Variants in CSNK1G2 observed in about 807,000 individuals in gnomAD.
The protein encoded by CSNK1G2 is casein kinase 1 gamma 2.
CSNK1G2 carries 11 observed loss-of-function variants against 48.0 expected under a neutral mutation model. That is an observed-to-expected ratio of 0.23 (90% CI 0.14 to 0.38). The LOEUF (loss-of-function observed/expected upper bound fraction) is 0.38, where lower values mean the gene tolerates loss of function less well. Among genes scored for constraint, CSNK1G2 ranks in the 10% least tolerant of loss-of-function variants. CSNK1G2 has a pLI of 1.00. For missense variants in CSNK1G2, 446 were observed against 595.5 expected, an observed-to-expected ratio of 0.75 and a Z score of 2.61; for synonymous variants, 337 against 254.1, an observed-to-expected ratio of 1.33 and a Z score of -3.10.
intron 1 of CSNK1G2, among the ~76,000 whole-genome samples, chr19:1,955,184 G>A (rs2037628250): frequency 6.6e-6 from 1 of 152,152 alleles, no homozygotes; most frequent in South Asian, 2.1e-4. Context: ...CTCGGAAGCT[G>A]CTGAGTCTTG....
rs1291246711 is a variant in CSNK1G2 at position 1,980,483 on chromosome 19, A to T, written c.*280A>T. ...AAACAAGGAAAAGAGGAAAAAAAAAACAGAGGCCCGCCCTACCCCACTCCT... is the reference window on the plus strand; with the variant it reads ...AAACAAGGAAAAGAGGAAAAAAAAATCAGAGGCCCGCCCTACCCCACTCCT... On this transcript the variant is annotated 3_prime_UTR_variant, in exon 12 of 12. Transcript: ENST00000255641. 1 of 495,404 alleles carries T rather than the reference A, an allele frequency of 2.0e-6. No individual in the cohort carries two copies. The highest frequency in any genetic ancestry group is 3.8e-5 in the East Asian group (1 of 26,658). The allele number at this position is 495,404 out of a possible 1,614,324, so 30.7% of individuals were successfully genotyped here.
chr19:1,960,915 C>T (rs767561446), intron 1 of CSNK1G2, among the ~76,000 whole-genome samples: 22 of 152,196 alleles, frequency 1.4e-4, no homozygotes, highest in Non-Finnish European at 2.6e-4. Context: ...CAGGCACGGA[C>T]GTTTCAGCCC....
chr19:1,946,805 G>A (rs2145496969), intron 1 of CSNK1G2, among the ~76,000 whole-genome samples: 1 of 151,066 alleles, frequency 6.6e-6, no homozygotes, highest in East Asian at 1.9e-4. Flanking sequence ...TACAGACGGG[G>A]TTTCACTGTG....
rs2015934417 is a variant in CSNK1G2 at position 1,980,206 on chromosome 19, C to T, written c.*3C>T. 3 of 1,612,748 alleles carry T rather than the reference C, an allele frequency of 1.9e-6. No homozygotes were observed. Among genetic ancestry groups the T allele is most frequent in the African/African-American group, 1.3e-5 (1 of 74,936 alleles). On this transcript the variant is annotated 3_prime_UTR_variant, in exon 12 of 12. Coordinates refer to ENST00000255641, the MANE Select transcript of CSNK1G2 (RefSeq NM_001319.7). ...AATCGCTGCAGCGACACAAGTGACC[C>T]TGGGCGCGTGCAGCCCCCTGAATCT...
chr19:1,972,807 A>G (rs2015617142), intron 2 of CSNK1G2, among the ~76,000 whole-genome samples: 2 of 151,574 alleles, frequency 1.3e-5, no homozygotes, highest in African/African-American at 4.8e-5. Flanking sequence ...TATTTTTAGT[A>G]GAGATGGGGT....
At chr19:1,969,480 G>T in intron 1 of CSNK1G2, 28 bp from the exon 2 acceptor site, 1 of 248,656 alleles carries the variant, frequency 4.0e-6, no homozygotes, top group Non-Finnish European at 7.6e-6. Context: ...CCTTGCCGGT[G>T]CTCACCTGTG....
At position 1,978,253 on chromosome 19, in the gene CSNK1G2, C is replaced by T. The variant is rs980133709; in HGVS notation, c.188-52C>T. The T allele has an allele frequency of 8.1e-6, 13 of 1,599,652 alleles. No homozygotes were observed. In the East Asian group the frequency reaches 1.3e-4, roughly 17 times the overall value. On this transcript the variant is annotated intron_variant, in intron 2 of 11. Transcript: ENST00000255641. This position sits in a 1 kb window ranked among gnomAD's most constrained non-coding sequence, Gnocchi z 7.3. The stretch of plus-strand genomic sequence containing the variant: ...TGCCTCGGGGGTGGGCTGGGGAGGT[C>T]GGGGCTAGGTGGGCCCTGCGCTGGC...
In CSNK1G2 at chr19:1,956,634, G is replaced by A. The variant is rs147386394; in HGVS notation, c.-265-12874G>A. 3.0e-3 allele frequency among the ~76,000 whole-genome samples: 460 copies of A among 152,344 alleles called. 1 individual carries two copies. The highest frequency in any genetic ancestry group is 0.01 in the African/African-American group (434 of 41,590). ...ATTGGCCCTTTCAGTGGTTGGTGTT[G>A]ACCCTCCACAGAGGGGCTGGGTGGG... On this transcript the variant is annotated intron_variant, in intron 1 of 11. Transcript: ENST00000255641.
At chr19:1,973,629 G>GGCT (rs572856566) in intron 2 of CSNK1G2, among the ~76,000 whole-genome samples, 11 of 152,264 alleles carry the variant, frequency 7.2e-5, no homozygotes, top group Admixed American at 1.3e-4. Context: ...CAGGCTGTGC[G>GGCT]GCTGCTGCTG....
intron 1 of CSNK1G2, among the ~76,000 whole-genome samples, chr19:1,962,885 G>C (rs142115836): frequency 6.6e-6 from 1 of 152,178 alleles, no homozygotes; most frequent in Non-Finnish European, 1.5e-5. Flanking sequence ...GTGCGCAGAC[G>C]CCGCCGTGGA....
At chr19:1,944,403 G>T (rs892626599) in intron 1 of CSNK1G2, among the ~76,000 whole-genome samples, 1 of 152,124 alleles carries the variant, frequency 6.6e-6, no homozygotes, top group Non-Finnish European at 1.5e-5. Context: ...GAAGTGGGTG[G>T]AGCGCCCATT....
At chr19:1,965,142 T>G (rs1168797736) in intron 1 of CSNK1G2, among the ~76,000 whole-genome samples, 2 of 146,976 alleles carry the variant, frequency 1.4e-5, no homozygotes, top group African/African-American at 5.0e-5. Flanking sequence ...ACACCTGTGA[T>G]CCCAGCACTT....
At chr19:1,956,851 G>A (rs555959498) in intron 1 of CSNK1G2, among the ~76,000 whole-genome samples, 6 of 152,324 alleles carry the variant, frequency 3.9e-5, no homozygotes, top group East Asian at 1.9e-4. Flanking sequence ...CAGGAGGCTC[G>A]TTCCGGAATT....
rs1408852624 is a variant in CSNK1G2, at chr19:1,978,408, C to G, written c.229-34C>G. ...CCCCCAGGGATTTCAGGGCAGCGAC[C>G]CGGTCCCCTGGTGACTCGCTCTTGT... On this transcript the variant is annotated intron_variant, in intron 3 of 11. Transcript: ENST00000255641. The surrounding 1 kb of genome is among the most constrained non-coding windows in gnomAD (Gnocchi z 7.3). 2 of 1,611,882 alleles carry G rather than the reference C, an allele frequency of 1.2e-6. No individual in the cohort carries two copies. The highest frequency in any genetic ancestry group is 1.7e-6 in the Non-Finnish European group (2 of 1,179,444).
intron 1 of CSNK1G2, among the ~76,000 whole-genome samples, chr19:1,964,462 G>A (rs1215123005): frequency 6.6e-6 from 1 of 152,134 alleles, no homozygotes; most frequent in Non-Finnish European, 1.5e-5. Flanking sequence ...TTCCTCGTGT[G>A]GAAGAAGCGG....
chr19:1,977,513 G>A (rs1438645350), intron 2 of CSNK1G2, among the ~76,000 whole-genome samples: 6 of 152,222 alleles, frequency 3.9e-5, no homozygotes, highest in African/African-American at 1.4e-4. Flanking sequence ...AGCCCTGTGG[G>A]AGGCTGAGGC....
chr19:1,969,576 C>G lies in CSNK1G2; in HGVS notation c.-197C>G. 2.4e-6 allele frequency: 1 copy of G among 413,326 alleles called. No homozygotes were observed. Among genetic ancestry groups the G allele is most frequent in the Non-Finnish European group, 4.2e-6 (1 of 235,966 alleles). 25.6% of individuals were successfully genotyped at this position (413,326 alleles called of 1,614,324 possible). A position where few individuals can be genotyped will look rare whatever the true frequency, so the allele number is the denominator to read the frequency against. On this transcript the variant is annotated 5_prime_UTR_variant, in exon 2 of 12. Coordinates refer to ENST00000255641, the MANE Select transcript of CSNK1G2 (RefSeq NM_001319.7). ...TGTCTCCTGCCCCCGAGAGCGACCCCGAGGCCACTGAGAAGAGCAGCGCGG... is the reference window on the plus strand; with the variant it reads ...TGTCTCCTGCCCCCGAGAGCGACCCGGAGGCCACTGAGAAGAGCAGCGCGG...
intron 1 of CSNK1G2, among the ~76,000 whole-genome samples, chr19:1,966,658 C>G (rs892460188): frequency 6.6e-6 from 1 of 152,098 alleles, no homozygotes; most frequent in Non-Finnish European, 1.5e-5. Flanking sequence ...GACAGCATCA[C>G]GCCCCACAGA....
chr19:1,960,418 C>T (rs1338520995), intron 1 of CSNK1G2, among the ~76,000 whole-genome samples: 5 of 152,188 alleles, frequency 3.3e-5, no homozygotes, highest in East Asian at 1.9e-4. Context: ...GGCAGTGTGG[C>T]GCGAGCAGGC....
Sources: allele counts gnomAD v4.1 joint callset (sites outside exome capture counted in the v4.1 genomes callset), GRCh38; gene constraint gnomAD v4.1.1; non-coding constraint Gnocchi (gnomAD v3.1); transcripts MANE v1.5; gene names NCBI Gene and HGNC (gene_info 2026-07-23, HGNC 2026-07-21).